The following CDC42BPB variants were observed in gnomAD, a reference collection of about 807,000 sequenced individuals.
CDC42BPB encodes the protein CDC42 binding protein kinase beta.
A neutral mutation model predicts 214.9 loss-of-function variants in CDC42BPB; 37 were observed. That is an observed-to-expected ratio of 0.17 (90% CI 0.13 to 0.23). CDC42BPB has a LOEUF of 0.23. Ranked by LOEUF, CDC42BPB falls within the 10% of genes least tolerant of loss-of-function variation. The pLI is 1.00. For missense variants in CDC42BPB, 1,694 were observed against 2,227.0 expected (o/e 0.76, Z 4.82); for synonymous variants, 931 against 884.0 (o/e 1.05, Z -0.94).
chr14:103,046,596 T>A (rs922925934), intron 1 of CDC42BPB, among the ~76,000 whole-genome samples: 1 of 152,146 alleles, frequency 6.6e-6, no homozygotes, highest in Non-Finnish European at 1.5e-5. Flanking sequence ...AAGAAATGTG[T>A]CTAAAACGCA....
chr14:102,947,963 G>A (rs1052440988), intron 26 of CDC42BPB, 161 bp from the exon 27 acceptor site: 8 of 983,802 alleles, frequency 8.1e-6, no homozygotes, highest in Non-Finnish European at 8.4e-6. Flanking sequence ...CACGGGCAGG[G>A]CCAACAAACT....
intron 1 of CDC42BPB, among the ~76,000 whole-genome samples, chr14:103,020,669 TGAGA>T (rs941949620): frequency 1.3e-5 from 2 of 151,996 alleles, no homozygotes; most frequent in Admixed American, 6.6e-5. Context: ...TGAACCCCCG[TGAGA>T]GAGAGAGCAC....
intron 27 of CDC42BPB, 100 bp from the exon 28 acceptor site, chr14:102,946,784 G>C (rs974061154): frequency 1.3e-6 from 2 of 1,496,334 alleles, no homozygotes; most frequent in Middle Eastern, 2.3e-4. Flanking sequence ...CAGGAGCAAC[G>C]GGGGCTGATG....
intron 2 of CDC42BPB, among the ~76,000 whole-genome samples, chr14:103,009,986 GA>G (rs1886056680): frequency 6.6e-6 from 1 of 152,144 alleles, no homozygotes; most frequent in South Asian, 2.1e-4. Context: ...CTACTAAAAA[GA>G]AAAAAAGAAA....
intron 24 of CDC42BPB, among the ~76,000 whole-genome samples, chr14:102,952,144 T>C (rs187313204): frequency 1.7e-4 from 26 of 152,168 alleles, no homozygotes; most frequent in African/African-American, 5.5e-4. Flanking sequence ...TCCCAGAGTT[T>C]GAGACCGGTC....
chr14:102,994,708 GA>G (rs1302742991), intron 5 of CDC42BPB, among the ~76,000 whole-genome samples: 1 of 152,244 alleles, frequency 6.6e-6, no homozygotes, highest in African/African-American at 2.4e-5. Flanking sequence ...AGGTGTGGGT[GA>G]AAGAGCCATG....
rs1346946863 is a variant in CDC42BPB, at chr14:102,968,601, C to T, written c.2111G>A (p.Arg704His). 3 of 1,614,232 alleles carry T rather than the reference C, an allele frequency of 1.9e-6. No individual in the cohort carries two copies. Among genetic ancestry groups the T allele is most frequent in the Non-Finnish European group, 2.5e-6 (3 of 1,180,038 alleles). Residue 704 changes from arginine (R) to histidine (H), a missense_variant, in exon 15 of 37, where the codon CGT becomes CAT. This residue lies in a region of CDC42BPB where 462 missense variants were observed against 513.5 expected (regional missense o/e 0.90). Coordinates refer to ENST00000361246, the MANE Select transcript of CDC42BPB (RefSeq NM_006035.4). ...VLFYEEELVR[R>H]EASHVLEVKN... ...CACTTCTAGCACATGGGAGGCCTCA[C>T]GTCTGACCAATTCCTCTTCATAAAA...
intron 18 of CDC42BPB, 77 bp from the exon 19 acceptor site, chr14:102,964,727 C>T (rs1322154634): frequency 5.4e-6 from 8 of 1,475,840 alleles, no homozygotes; most frequent in Non-Finnish European, 6.3e-6. Context: ...AATAAGTTAT[C>T]TTTGTCTAAC....
At chr14:102,994,694 C>T (rs1369961029) in intron 5 of CDC42BPB, among the ~76,000 whole-genome samples, 5 of 152,228 alleles carry the variant, frequency 3.3e-5, no homozygotes, top group Admixed American at 2.0e-4. Context: ...CAGTGGCATC[C>T]AGCAGGTGTG....
At chr14:102,938,854 C>G (rs1891758659) in intron 34 of CDC42BPB, among the ~76,000 whole-genome samples, 2 of 152,104 alleles carry the variant, frequency 1.3e-5, no homozygotes, top group South Asian at 2.1e-4. Flanking sequence ...TCTCAAACTC[C>G]TGACCTCAGG....
intron 20 of CDC42BPB, among the ~76,000 whole-genome samples, chr14:102,962,499 CAG>C (rs1260639695): frequency 5.3e-5 from 8 of 152,316 alleles, no homozygotes; most frequent in Non-Finnish European, 8.8e-5. Flanking sequence ...TTTGTGTTAT[CAG>C]GGGATACAAA....
chr14:102,940,057 C>T lies in CDC42BPB; in HGVS notation c.4580G>A (p.Ser1527Asn). Residue 1527 changes from serine (S) to asparagine (N), a missense_variant, in exon 32 of 37, where the codon AGC becomes AAC. This residue lies in a region of CDC42BPB where 567 missense variants were observed against 790.3 expected (regional missense o/e 0.72). Coordinates refer to ENST00000361246, the MANE Select transcript of CDC42BPB (RefSeq NM_006035.4). ...CEPPRLIYFK[S>N]KFSGAVLNVP... The stretch of plus-strand genomic sequence containing the variant: ...AGAGGAAGGCTCACCCGAGAACTTG[C>T]TCTTGAAGTAGATCAAGCGTGGAGG... The T allele has an allele frequency of 1.2e-6, 2 of 1,613,960 alleles. No individual in the cohort carries two copies. Among genetic ancestry groups the T allele is most frequent in the Non-Finnish European group, 1.7e-6 (2 of 1,180,026 alleles).
At chr14:102,946,747 C>T in intron 27 of CDC42BPB, 63 bp from the exon 28 acceptor site, 3 of 1,583,378 alleles carry the variant, frequency 1.9e-6, no homozygotes, top group Admixed American at 1.7e-5. Flanking sequence ...CACGCAGCTA[C>T]CACGGCCCTG....
intron 1 of CDC42BPB, among the ~76,000 whole-genome samples, chr14:103,039,293 A>C (rs1187772304): frequency 2.0e-5 from 2 of 97,962 alleles, no homozygotes; most frequent in Non-Finnish European, 1.7e-5. Context: ...ATACCAAACC[A>C]AAAAAAAAAA....
chr14:102,943,664 C>T lies in CDC42BPB; in HGVS notation c.4408+227G>A. The T allele has an allele frequency of 1.8e-6, 1 of 542,770 alleles. No individual in the cohort carries two copies. Among genetic ancestry groups the T allele is most frequent in the Non-Finnish European group, 3.2e-6 (1 of 310,064 alleles). 33.6% of individuals were successfully genotyped at this position (542,770 alleles called of 1,614,324 possible). On this transcript the variant is annotated intron_variant, in intron 30 of 36. Coordinates refer to ENST00000361246, the MANE Select transcript of CDC42BPB (RefSeq NM_006035.4). The surrounding 1 kb of genome is among the most constrained non-coding windows in gnomAD (Gnocchi z 4.6). ...CTGCTGAGGCCTCTGGAAGAACCGG[C>T]CCCATGTGCTCAGGGAGAGAGGTTG...
rs35509516 is a variant in CDC42BPB, at chr14:103,037,059, T to C, written c.175+19940A>G. ...GACTCAGGTATATCTGCCCACCTCT[T>C]ATAGGCGTGAGCCACCACGTCTGGC... On this transcript the variant is annotated intron_variant, in intron 1 of 36. Coordinates refer to ENST00000361246, the MANE Select transcript of CDC42BPB (RefSeq NM_006035.4). Among the ~76,000 whole-genome samples, 941 of 152,080 alleles carry C rather than the reference T, an allele frequency of 6.2e-3. 14 individuals are homozygous for C. Among genetic ancestry groups the C allele is most frequent in the African/African-American group, 0.022 (899 of 41,426 alleles).
At chr14:102,974,892 G>A (rs1169686806) in intron 11 of CDC42BPB, among the ~76,000 whole-genome samples, 1 of 152,198 alleles carries the variant, frequency 6.6e-6, no homozygotes, top group African/African-American at 2.4e-5. Context: ...CTTGCAGTGA[G>A]CCGAGATCAT....
Position 103,021,679 on chromosome 14 carries a change from C to CAAA in CDC42BPB, c.176-9494_176-9492dup, listed in dbSNP as rs35207138. Among the ~76,000 whole-genome samples, 743 of 133,332 alleles carry CAAA rather than the reference C, an allele frequency of 5.6e-3. 11 individuals carry two copies. Among genetic ancestry groups the CAAA allele is most frequent in the African/African-American group, 0.02 (710 of 36,334 alleles). The allele number at this position is 133,332 out of a possible 152,430, so 87.5% of individuals were successfully genotyped here. A position where few individuals can be genotyped will look rare whatever the true frequency, so the allele number is the denominator to read the frequency against. ...TGGGCAACAAAGCAAGACCTAGTCTCAAAAAAAAAAAAAAAAGAACATTCA... is the reference window on the plus strand; with the variant it reads ...TGGGCAACAAAGCAAGACCTAGTCTCAAAAAAAAAAAAAAAAAAAGAACATTCA... On this transcript the variant is annotated intron_variant, in intron 1 of 36. Transcript: ENST00000361246.
intron 1 of CDC42BPB, among the ~76,000 whole-genome samples, chr14:103,038,341 CAA>C (rs1267070540): frequency 7.3e-5 from 6 of 82,424 alleles, no homozygotes; most frequent in Admixed American, 2.8e-4. Context: ...GACTCTGTCT[CAA>C]AAAAAAAAAA....
Sources: allele counts gnomAD v4.1 joint callset (sites outside exome capture counted in the v4.1 genomes callset), GRCh38; gene constraint gnomAD v4.1.1; regional missense constraint gnomAD v4.1.1; non-coding constraint Gnocchi (gnomAD v3.1); transcripts MANE v1.5; gene names NCBI Gene and HGNC (gene_info 2026-07-23, HGNC 2026-07-21).